Variants in PLCB1 observed in about 807,000 individuals in gnomAD.
PLCB1 encodes 1-phosphatidylinositol 4,5-bisphosphate phosphodiesterase beta-1.
PLCB1 carries 46 observed loss-of-function variants against 161.8 expected under a neutral mutation model. The observed-to-expected ratio is 0.28, with a 90% confidence interval of 0.22 to 0.36. The LOEUF is 0.36. PLCB1 is among the 10% of genes least tolerant of loss of function. The probability of loss-of-function intolerance (pLI) is 1.00; values close to 1 mark genes in which losing one functional copy is unlikely to be tolerated. For missense variants in PLCB1, 1,016 were observed against 1,472.5 expected (o/e 0.69, Z 5.07); for synonymous variants, 517 against 503.7 (o/e 1.03, Z -0.35).
intron 31 of PLCB1, among the ~76,000 whole-genome samples, chr20:8,854,754 C>T (rs1382649828): frequency 6.6e-6 from 1 of 152,216 alleles, no homozygotes; most frequent in African/African-American, 2.4e-5. Flanking sequence ...CACGTCTCCA[C>T]GCTGGCGAAC....
At chr20:8,498,197 A>T (rs1245831369) in intron 3 of PLCB1, among the ~76,000 whole-genome samples, 2 of 152,134 alleles carry the variant, frequency 1.3e-5, no homozygotes, top group East Asian at 3.9e-4. Flanking sequence ...TCCCAGGATA[A>T]AGTGATTCAC....
chr20:8,407,143 CA>C (rs1360499847), intron 3 of PLCB1, among the ~76,000 whole-genome samples: 15 of 152,132 alleles, frequency 9.9e-5, no homozygotes, highest in African/African-American at 3.1e-4. Context: ...CTTAATTTAA[CA>C]AATGGATAAA....
At chr20:8,352,169 C>T (rs1986201065) in intron 2 of PLCB1, among the ~76,000 whole-genome samples, 1 of 152,064 alleles carries the variant, frequency 6.6e-6, no homozygotes. Context: ...AATTAGCTTT[C>T]AAACCATGCA....
At chr20:8,833,253 C>T (rs911379991) in intron 31 of PLCB1, among the ~76,000 whole-genome samples, 13 of 152,156 alleles carry the variant, frequency 8.5e-5, no homozygotes, top group African/African-American at 2.7e-4. Context: ...ACAATCATGG[C>T]GGAAGGCAAA....
chr20:8,778,094 A>G (rs1983035404), intron 27 of PLCB1, among the ~76,000 whole-genome samples: 1 of 152,044 alleles, frequency 6.6e-6, no homozygotes, highest in Non-Finnish European at 1.5e-5. Flanking sequence ...ACCGACTATA[A>G]TCATCTGGAG....
At chr20:8,511,755 T>C (rs1279111317) in intron 3 of PLCB1, among the ~76,000 whole-genome samples, 1 of 152,212 alleles carries the variant, frequency 6.6e-6, no homozygotes, top group Admixed American at 6.5e-5. Flanking sequence ...GTTTTAATTT[T>C]AATTTCTCTG....
At chr20:8,357,232 C>T (rs1395896025) in intron 2 of PLCB1, among the ~76,000 whole-genome samples, 1 of 152,134 alleles carries the variant, frequency 6.6e-6, no homozygotes, top group Non-Finnish European at 1.5e-5. Flanking sequence ...CATAACATTA[C>T]AAATTGTGGA....
chr20:8,878,653 G>A (rs1987863616), intron 31 of PLCB1, among the ~76,000 whole-genome samples: 1 of 152,142 alleles, frequency 6.6e-6, no homozygotes, highest in Non-Finnish European at 1.5e-5. Flanking sequence ...TATGTAGGGA[G>A]AATAGTTGAC....
In PLCB1 at chr20:8,757,072, G is replaced by T. The variant is rs141433824; in HGVS notation, c.2550G>T (p.Glu850Asp). ...KEADPGETPS[E>D]APSEARTTPA... ...CTGATCCTGGAGAAACACCATCAGA[G>T]GCTCCAAGTGAAGCGAGAACGACTC... The change falls in exon 24 of 32, where the codon GAG becomes GAT. Residue 850 changes from glutamate (E) to aspartate (D), a missense_variant. Coordinates refer to ENST00000338037, the MANE Select transcript of PLCB1 (RefSeq NM_015192.4). 2.6e-4 allele frequency: 413 copies of T among 1,612,200 alleles called. 2 individuals carry two copies. In the African/African-American group the frequency reaches 4.7e-3, roughly 18 times the overall value.
At chr20:8,431,366 A>G (rs1015241763) in intron 3 of PLCB1, among the ~76,000 whole-genome samples, 4 of 152,220 alleles carry the variant, frequency 2.6e-5, no homozygotes, top group African/African-American at 4.8e-5. Flanking sequence ...GGAAACACCA[A>G]CCTTTTTTGC....
At chr20:8,784,908 G>A (rs940086769) in intron 27 of PLCB1, among the ~76,000 whole-genome samples, 10 of 152,138 alleles carry the variant, frequency 6.6e-5, no homozygotes, top group Admixed American at 4.6e-4. Context: ...CGCTGAGGTC[G>A]GGTCCAGTGT....
At chr20:8,134,878 A>C (rs1025436830) in intron 1 of PLCB1, among the ~76,000 whole-genome samples, 12 of 152,054 alleles carry the variant, frequency 7.9e-5, no homozygotes, top group African/African-American at 2.9e-4. Context: ...TAAAAAAAAA[A>C]AAAAAACCTA....
At chr20:8,852,028 C>G (rs1986906262) in intron 31 of PLCB1, among the ~76,000 whole-genome samples, 1 of 152,134 alleles carries the variant, frequency 6.6e-6, no homozygotes, top group South Asian at 2.1e-4. Context: ...CTATCTACAA[C>G]AACAAAAAAA....
At chr20:8,762,819 T>C (rs376747342) in intron 25 of PLCB1, among the ~76,000 whole-genome samples, 18 of 152,244 alleles carry the variant, frequency 1.2e-4, no homozygotes, top group African/African-American at 4.1e-4. Flanking sequence ...ACATAACTTA[T>C]TATTCTAGTC....
At chr20:8,349,101 A>G (rs1481167389) in intron 2 of PLCB1, among the ~76,000 whole-genome samples, 2 of 152,148 alleles carry the variant, frequency 1.3e-5, no homozygotes, top group African/African-American at 4.8e-5. Flanking sequence ...ACATATAACA[A>G]AACAATATTA....
At chr20:8,328,106 G>A (rs2122182269) in intron 2 of PLCB1, among the ~76,000 whole-genome samples, 1 of 152,154 alleles carries the variant, frequency 6.6e-6, no homozygotes, top group South Asian at 2.1e-4. Flanking sequence ...TTGAGAATCT[G>A]TAATCCAAAA....
intron 31 of PLCB1, among the ~76,000 whole-genome samples, chr20:8,815,406 G>T (rs1217927323): frequency 1.3e-5 from 2 of 152,198 alleles, no homozygotes; most frequent in African/African-American, 2.4e-5. Flanking sequence ...TCACACAAAA[G>T]TGCGTTGATG....
At chr20:8,702,092 A>T (rs1978397458) in intron 11 of PLCB1, among the ~76,000 whole-genome samples, 1 of 152,186 alleles carries the variant, frequency 6.6e-6, no homozygotes, top group East Asian at 1.9e-4. Context: ...AAGAGATCCT[A>T]TTGGCATTTG....
chr20:8,626,205 T>C (rs1369791978), intron 3 of PLCB1, among the ~76,000 whole-genome samples: 1 of 150,152 alleles, frequency 6.7e-6, no homozygotes, highest in Admixed American at 6.6e-5. Context: ...AGAAAAGATA[T>C]ATGAGCAACA....
Sources: allele counts gnomAD v4.1 joint callset (sites outside exome capture counted in the v4.1 genomes callset), GRCh38; gene constraint gnomAD v4.1.1; transcripts MANE v1.5; gene names NCBI Gene and HGNC (gene_info 2026-07-23, HGNC 2026-07-21).